Variants in HDAC9 observed in about 807,000 individuals in gnomAD.
The protein encoded by HDAC9 is MEF-2 interacting transcription repressor (MITR) protein.
A neutral mutation model predicts 139.4 loss-of-function variants in HDAC9; 41 were observed. The ratio of observed to expected loss-of-function variants is 0.29; its 90% confidence interval spans 0.23 to 0.38. The LOEUF is 0.38. Ranked by LOEUF, HDAC9 falls within the 10% of genes least tolerant of loss-of-function variation. The pLI is 1.00. For synonymous variants in HDAC9, 517 were observed against 476.2 expected (o/e 1.09, Z -1.12); for missense variants, 1,147 against 1,297.0 (o/e 0.88, Z 1.78).
chr7:18,561,087 T>G (rs970261493), intron 2 of HDAC9, among the ~76,000 whole-genome samples: 2 of 152,212 alleles, frequency 1.3e-5, no homozygotes, highest in African/African-American at 4.8e-5. Flanking sequence ...TGAATCATTT[T>G]TCTCTCACTT....
chr7:18,429,848 A>G (rs1790477250), intron 1 of HDAC9, among the ~76,000 whole-genome samples: 1 of 152,202 alleles, frequency 6.6e-6, no homozygotes, highest in Non-Finnish European at 1.5e-5. Context: ...ATTCTTCTTT[A>G]AATTAATTTG....
intron 21 of HDAC9, among the ~76,000 whole-genome samples, chr7:18,848,735 C>T (rs1006155490): frequency 6.6e-6 from 1 of 151,912 alleles, no homozygotes; most frequent in African/African-American, 2.4e-5. Flanking sequence ...TATGAGAAAC[C>T]AAGCAACCCA....
chr7:18,820,161 C>G (rs1422868185), intron 17 of HDAC9, among the ~76,000 whole-genome samples: 2 of 152,188 alleles, frequency 1.3e-5, no homozygotes, highest in East Asian at 3.9e-4. Flanking sequence ...AATTAAGTCA[C>G]TGAATTCTTT....
intron 6 of HDAC9, among the ~76,000 whole-genome samples, chr7:18,617,358 G>A (rs1445827600): frequency 6.6e-6 from 1 of 151,996 alleles, no homozygotes; most frequent in African/African-American, 2.4e-5. Context: ...ACTCTCCCCA[G>A]TCCACTACCT....
chr7:18,298,492 A>T (rs893185329), intron 1 of HDAC9, among the ~76,000 whole-genome samples: 1 of 151,254 alleles, frequency 6.6e-6, no homozygotes, highest in Non-Finnish European at 1.5e-5. Flanking sequence ...TGTCCATGTG[A>T]TCTCATTGTT....
chr7:18,798,704 A>G (rs1325359028), intron 17 of HDAC9, among the ~76,000 whole-genome samples: 1 of 152,150 alleles, frequency 6.6e-6, no homozygotes, highest in East Asian at 1.9e-4. Flanking sequence ...TCTTAGAAGT[A>G]TTTGTTGTGA....
At chr7:18,093,822 C>T (rs1229485689) in intron 1 of HDAC9, among the ~76,000 whole-genome samples, 2 of 152,076 alleles carry the variant, frequency 1.3e-5, no homozygotes, top group Admixed American at 1.3e-4. Context: ...CTCTGTGGTG[C>T]CTCTGAAATC....
chr7:18,819,483 T>G (rs376825003), intron 17 of HDAC9, among the ~76,000 whole-genome samples: 10 of 152,320 alleles, frequency 6.6e-5, no homozygotes, highest in African/African-American at 2.4e-4. Flanking sequence ...TAGACTAGTC[T>G]AAAATGATCA....
chr7:18,382,548 C>T (rs549510049), intron 1 of HDAC9, among the ~76,000 whole-genome samples: 6 of 152,320 alleles, frequency 3.9e-5, no homozygotes, highest in African/African-American at 1.2e-4. Context: ...ACAGGCAAGG[C>T]CTGCGCCCAT....
chr7:18,648,441 C>G (rs936165269), intron 10 of HDAC9, 25 bp from the exon 11 acceptor site: 1 of 1,511,628 alleles, frequency 6.6e-7, no homozygotes, highest in Admixed American at 1.7e-5. Flanking sequence ...TGTATACACA[C>G]ATATACATGT....
chr7:18,580,826 C>A (rs1338134579), intron 2 of HDAC9, among the ~76,000 whole-genome samples: 1 of 152,116 alleles, frequency 6.6e-6, no homozygotes, highest in African/African-American at 2.4e-5. Context: ...ATGGACAATG[C>A]CCTTTCTTAA....
intron 1 of HDAC9, among the ~76,000 whole-genome samples, chr7:18,292,207 A>G (rs1562842732): frequency 1.3e-5 from 2 of 152,044 alleles, no homozygotes. Flanking sequence ...CTATATCCCT[A>G]TATAATACTT....
At chr7:18,558,140 T>C (rs1007988474) in intron 2 of HDAC9, among the ~76,000 whole-genome samples, 1 of 152,130 alleles carries the variant, frequency 6.6e-6, no homozygotes. Flanking sequence ...TAGAACTTTA[T>C]GCAATCTGTC....
intron 1 of HDAC9, among the ~76,000 whole-genome samples, chr7:18,475,959 T>C (rs972977263): frequency 2.0e-5 from 3 of 152,198 alleles, no homozygotes; most frequent in African/African-American, 7.2e-5. Context: ...TGTGACTTTT[T>C]ATGTGTGCTT....
chr7:18,601,610 G>A (rs1295517637), intron 6 of HDAC9, among the ~76,000 whole-genome samples: 4 of 152,154 alleles, frequency 2.6e-5, no homozygotes, highest in East Asian at 1.9e-4. Context: ...GATATTAGCT[G>A]TAGATTTTGT....
chr7:18,642,373 G>A (rs1217908462), intron 8 of HDAC9, among the ~76,000 whole-genome samples: 2 of 152,014 alleles, frequency 1.3e-5, no homozygotes, highest in African/African-American at 4.8e-5. Flanking sequence ...ACTTTTCTGT[G>A]GTTCCCCTGT....
intron 1 of HDAC9, among the ~76,000 whole-genome samples, chr7:18,459,437 G>GT (rs1406729256): frequency 6.6e-6 from 1 of 152,154 alleles, no homozygotes; most frequent in East Asian, 1.9e-4. Context: ...CATTTTGGTA[G>GT]TTTACATGCT....
chr7:18,534,897 A>T (rs908709816), intron 2 of HDAC9, among the ~76,000 whole-genome samples: 2 of 152,142 alleles, frequency 1.3e-5, no homozygotes, highest in African/African-American at 4.8e-5. Context: ...CTTGGCTGTG[A>T]GGGTATGGGC....
At chr7:18,228,870 A>G (rs1793249769) in intron 2 of HDAC9, among the ~76,000 whole-genome samples, 1 of 152,146 alleles carries the variant, frequency 6.6e-6, no homozygotes, top group Admixed American at 6.5e-5. Flanking sequence ...TGGAACCAAC[A>G]TTTCTAACAG....
Sources: allele counts gnomAD v4.1 joint callset (sites outside exome capture counted in the v4.1 genomes callset), GRCh38; gene constraint gnomAD v4.1.1; transcripts MANE v1.5; gene names NCBI Gene and HGNC (gene_info 2026-07-23, HGNC 2026-07-21).